Variants in MMRN1 observed in about 807,000 individuals in gnomAD.
MMRN1 encodes multimerin-1.
Under a neutral mutation model 100.7 loss-of-function variants are expected in MMRN1, and 94 were observed. The observed-to-expected ratio is 0.93, with a 90% CI of 0.79 to 1.11. MMRN1 has a LOEUF of 1.11. Among genes scored for constraint, MMRN1 ranks in the 50% least tolerant of loss-of-function variants. The pLI is 0.00. For synonymous variants in MMRN1, 575 were observed against 505.0 expected, an observed-to-expected ratio of 1.14 and a Z score of -1.86; for missense variants, 1,606 against 1,439.1, an observed-to-expected ratio of 1.12 and a Z score of -1.88.
At chr4:89,891,783 T>C (rs1206273066), upstream of MMRN1, among the ~76,000 whole-genome samples, 1 of 152,100 alleles carries the variant, frequency 6.6e-6, no homozygotes, top group Non-Finnish European at 1.5e-5. Flanking sequence ...AATGAAATCA[T>C]ATTTTGGATG....
intron 1 of MMRN1, among the ~76,000 whole-genome samples, chr4:89,879,946 G>T (rs1172936329): frequency 1.3e-5 from 2 of 152,114 alleles, no homozygotes; most frequent in East Asian, 3.8e-4. Flanking sequence ...TTTGTACTGT[G>T]GAACTGTTAA....
In MMRN1 at chr4:89,888,610, G is replaced by A. The variant is rs555506106; in HGVS notation, c.-248-6114G>A. Among the ~76,000 whole-genome samples, 6 of 151,808 alleles carry A rather than the reference G, an allele frequency of 4.0e-5. No homozygotes were observed. In the South Asian group the frequency reaches 6.2e-4, roughly 16 times the overall value. Reference sequence around the variant, plus strand: ...CATATGAAATTGTTCCACAGATCTCGACACTGTGTATTTCGTTCACATATT... The same window carrying A: ...CATATGAAATTGTTCCACAGATCTCAACACTGTGTATTTCGTTCACATATT... On this transcript the variant is annotated intron_variant, in intron 1 of 8. Transcript: ENST00000394980.
intron 5 of MMRN1, among the ~76,000 whole-genome samples, chr4:89,933,169 G>A (rs564955822): frequency 2.0e-4 from 30 of 152,188 alleles, no homozygotes; most frequent in South Asian, 1.0e-3. Context: ...TCTCTAGGGC[G>A]GGGCAAAATG....
At position 89,909,410 on chromosome 4, in the gene MMRN1, T is replaced by C. The variant is rs762159652; in HGVS notation, c.743+15T>C. On this transcript the variant is annotated intron_variant, in intron 2 of 7. Transcript: ENST00000264790. ...TGTCCTCAGAGGTATGTAATATTTC[T>C]TGAAAATAGCCACTGTTTTTGCACC... 17 of 1,607,348 alleles carry C rather than the reference T, an allele frequency of 1.1e-5. No homozygotes were observed. The highest frequency in any genetic ancestry group is 4.0e-5 in the African/African-American group (3 of 74,416).
At chr4:89,881,995 G>A (rs1720829771) in intron 1 of MMRN1, among the ~76,000 whole-genome samples, 2 of 151,844 alleles carry the variant, frequency 1.3e-5, no homozygotes, top group East Asian at 1.9e-4. Flanking sequence ...TGTCAGCAGC[G>A]GGGGTCTCTC....
chr4:89,907,858 T>C (rs1721620300), intron 1 of MMRN1, among the ~76,000 whole-genome samples: 1 of 151,032 alleles, frequency 6.6e-6, no homozygotes, highest in African/African-American at 2.4e-5. Flanking sequence ...ACTGGATTTT[T>C]ACTCCATATA....
At chr4:89,881,492 A>G (rs924238837) in intron 1 of MMRN1, among the ~76,000 whole-genome samples, 4 of 152,070 alleles carry the variant, frequency 2.6e-5, no homozygotes, top group African/African-American at 9.7e-5. Context: ...CTCATTTTGT[A>G]TGAATTCTAA....
intron 6 of MMRN1, among the ~76,000 whole-genome samples, chr4:89,946,458 AG>A (rs1722988849): frequency 6.6e-6 from 1 of 152,240 alleles, no homozygotes; most frequent in African/African-American, 2.4e-5. Context: ...TTAAAATAAA[AG>A]TATATGATAG....
intron 3 of MMRN1, among the ~76,000 whole-genome samples, chr4:89,921,548 C>G (rs1363423423): frequency 1.3e-5 from 2 of 152,080 alleles, no homozygotes; most frequent in Admixed American, 1.3e-4. Flanking sequence ...CTATAATAAC[C>G]TTATTGCTAG....
In MMRN1 at chr4:89,953,457, C is replaced by T. The variant is rs1211539842; in HGVS notation, c.*39C>T. ...ACAGACTATCACCTTTATTGAGAAA[C>T]AGCCAGTGTTTTCATTTATCTTTGC... On this transcript the variant is annotated 3_prime_UTR_variant, in exon 8 of 8. Coordinates refer to ENST00000264790, the MANE Select transcript of MMRN1 (RefSeq NM_007351.3). 4 of 1,512,492 alleles carry T rather than the reference C, an allele frequency of 2.6e-6. No homozygotes were observed. Among genetic ancestry groups the T allele is most frequent in the Non-Finnish European group, 3.5e-6 (4 of 1,129,270 alleles). 93.7% of individuals were successfully genotyped at this position (1,512,492 alleles called of 1,614,324 possible).
chr4:89,925,302 ATTTTT>A (rs1176427401), intron 4 of MMRN1, among the ~76,000 whole-genome samples: 1,166 of 101,912 alleles, frequency 0.011, 9 homozygotes, highest in African/African-American at 0.047. Flanking sequence ...TGCCTGGTTA[ATTTTT>A]TTTTTTTTTT....
intron 6 of MMRN1, among the ~76,000 whole-genome samples, chr4:89,943,094 A>G (rs1044346157): frequency 6.6e-6 from 1 of 152,142 alleles, no homozygotes; most frequent in Non-Finnish European, 1.5e-5. Context: ...TTAACTGGAG[A>G]GAGAGCAGTC....
intron 1 of MMRN1, among the ~76,000 whole-genome samples, chr4:89,882,117 T>C (rs1265954501): frequency 6.6e-6 from 1 of 151,812 alleles, no homozygotes; most frequent in Non-Finnish European, 1.5e-5. Flanking sequence ...TTAATTACTA[T>C]GATATGGAGT....
chr4:89,953,917 T>C lies in MMRN1; in HGVS notation c.*499T>C, dbSNP rs922278424. On this transcript the variant is annotated 3_prime_UTR_variant, in exon 8 of 8. Coordinates refer to ENST00000264790, the MANE Select transcript of MMRN1 (RefSeq NM_007351.3). Reference sequence around the variant, plus strand: ...TTACGTTGAGTTGATCAATTTTCCATACTAAGATTTTCATTCAGAATCAAA... The same window carrying C: ...TTACGTTGAGTTGATCAATTTTCCACACTAAGATTTTCATTCAGAATCAAA... The C allele has an allele frequency of 6.6e-6, 1 of 152,200 alleles. No individual in the cohort carries two copies. The highest frequency in any genetic ancestry group is 1.5e-5 in the Non-Finnish European group (1 of 68,038). 9.4% of individuals were successfully genotyped at this position (152,200 alleles called of 1,614,324 possible). A position where few individuals can be genotyped will look rare whatever the true frequency, so the allele number is the denominator to read the frequency against.
chr4:89,949,554 C>CA (rs1578507245), intron 6 of MMRN1, among the ~76,000 whole-genome samples: 2 of 151,924 alleles, frequency 1.3e-5, no homozygotes, highest in East Asian at 3.9e-4. Flanking sequence ...TAATGAGCAG[C>CA]AAAAAAGGGA....
At chr4:89,929,595 G>A (rs1166844120) in intron 5 of MMRN1, among the ~76,000 whole-genome samples, 1 of 152,082 alleles carries the variant, frequency 6.6e-6, no homozygotes, top group Non-Finnish European at 1.5e-5. Context: ...GAATTAGCCT[G>A]TCAACTGTTT....
At chr4:89,948,792 C>T (rs1369941496) in intron 6 of MMRN1, among the ~76,000 whole-genome samples, 1 of 152,100 alleles carries the variant, frequency 6.6e-6, no homozygotes, top group Admixed American at 6.5e-5. Context: ...CAGAAAGGAA[C>T]TTAAAACAGA....
At chr4:89,889,975 A>C (rs572453854), upstream of MMRN1, among the ~76,000 whole-genome samples, 1 of 152,068 alleles carries the variant, frequency 6.6e-6, no homozygotes, top group African/African-American at 2.4e-5. Context: ...CTCCAAAGTC[A>C]CTCAGTGAAG....
chr4:89,927,504 A>C (rs899220775), intron 4 of MMRN1, among the ~76,000 whole-genome samples: 2 of 152,058 alleles, frequency 1.3e-5, no homozygotes, highest in African/African-American at 4.8e-5. Flanking sequence ...CTATTCTAAT[A>C]GTTTTTTGGT....
Sources: allele counts gnomAD v4.1 joint callset (sites outside exome capture counted in the v4.1 genomes callset), GRCh38; gene constraint gnomAD v4.1.1; transcripts MANE v1.5; gene names NCBI Gene and HGNC (gene_info 2026-07-23, HGNC 2026-07-21).